The following PKIB variants were observed in gnomAD, a reference collection of about 807,000 sequenced individuals.
PKIB encodes PKI-beta.
A neutral mutation model predicts 4.5 loss-of-function variants in PKIB; 2 were observed. The ratio of observed to expected loss-of-function variants is 0.44; its 90% CI spans 0.18 to 1.39. The LOEUF (loss-of-function observed/expected upper bound fraction) is 1.39. Ranked by LOEUF, PKIB falls within the 40% of genes most tolerant of loss-of-function variation. The pLI is 0.27. For missense variants in PKIB, 94 were observed against 92.6 expected (o/e 1.02, Z -0.06); for synonymous variants, 38 against 36.0 (o/e 1.06, Z -0.20).
intron 3 of PKIB, among the ~76,000 whole-genome samples, chr6:122,599,193 C>T (rs146897798): frequency 1.2e-4 from 18 of 152,252 alleles, no homozygotes; most frequent in African/African-American, 4.1e-4. Flanking sequence ...GGTTTGTCTC[C>T]TCAGACAGAG....
At chr6:122,617,432 A>G (rs1775039301) in intron 1 of PKIB, among the ~76,000 whole-genome samples, 1 of 152,174 alleles carries the variant, frequency 6.6e-6, no homozygotes. Flanking sequence ...AGTAAAACCC[A>G]GCATAGTTTG....
intron 2 of PKIB, among the ~76,000 whole-genome samples, chr6:122,662,307 C>CTTTTTTTT (rs1777029246): frequency 6.9e-5 from 1 of 14,514 alleles, no homozygotes; most frequent in Non-Finnish European, 1.8e-4. Flanking sequence ...TTCCTTGTCT[C>CTTTTTTTT]CTTTTTTTTT....
chr6:122,537,934 A>G (rs1369524665), intron 2 of PKIB, among the ~76,000 whole-genome samples: 2 of 151,962 alleles, frequency 1.3e-5, no homozygotes. Flanking sequence ...GCCAGTGATG[A>G]TGAGCATTTT....
At chr6:122,636,593 G>A (rs1775926261) in intron 2 of PKIB, among the ~76,000 whole-genome samples, 1 of 152,026 alleles carries the variant, frequency 6.6e-6, no homozygotes, top group African/African-American at 2.4e-5. Context: ...GGTTTATATT[G>A]TATTCTTGGA....
chr6:122,523,870 C>A (rs1777021070), intron 2 of PKIB, among the ~76,000 whole-genome samples: 1 of 152,030 alleles, frequency 6.6e-6, no homozygotes, highest in South Asian at 2.1e-4. Context: ...TCGCCTTCTG[C>A]CACAATTGTG....
intron 2 of PKIB, among the ~76,000 whole-genome samples, chr6:122,673,605 AATG>A (rs1406869050): frequency 1.3e-5 from 2 of 152,210 alleles, no homozygotes; most frequent in Non-Finnish European, 2.9e-5. Context: ...ACAAGGTTAA[AATG>A]ATGTCTGCTT....
intron 2 of PKIB, among the ~76,000 whole-genome samples, chr6:122,524,375 C>G (rs1168693030): frequency 6.6e-6 from 1 of 151,036 alleles, no homozygotes; most frequent in Admixed American, 6.6e-5. Context: ...TTTTCTTCTC[C>G]TCCTCCTCCT....
upstream of PKIB, among the ~76,000 whole-genome samples, chr6:122,605,275 G>C (rs1345221025): frequency 1.3e-5 from 2 of 152,138 alleles, no homozygotes; most frequent in Non-Finnish European, 2.9e-5. Flanking sequence ...TGGAAGCTTT[G>C]GTGGAACTTA....
At chr6:122,562,004 G>GTTTTTTTTTTTTTTTTTT (rs758656278) in intron 2 of PKIB, among the ~76,000 whole-genome samples, 24 of 79,472 alleles carry the variant, frequency 3.0e-4, no homozygotes, top group South Asian at 5.3e-4. Flanking sequence ...GTTTTTTTTT[G>GTTTTTTTTTTTTTTTTTT]TTTTTTTTTT....
intron 2 of PKIB, among the ~76,000 whole-genome samples, chr6:122,528,787 G>A (rs1448041564): frequency 6.6e-6 from 1 of 152,122 alleles, no homozygotes; most frequent in African/African-American, 2.4e-5. Context: ...AGCTACTTGG[G>A]AGACCAAACT....
chr6:122,509,303 A>G (rs1251360925), intron 2 of PKIB, among the ~76,000 whole-genome samples: 2 of 152,226 alleles, frequency 1.3e-5, no homozygotes, highest in African/African-American at 4.8e-5. Flanking sequence ...ATTTTGTTAA[A>G]TTAACTTGTC....
At chr6:122,715,374 A>T (rs969698560) in intron 3 of PKIB, among the ~76,000 whole-genome samples, 1 of 152,048 alleles carries the variant, frequency 6.6e-6, no homozygotes, top group Admixed American at 6.6e-5. Context: ...ACAGGAAGAG[A>T]TACTTGCAGC....
At chr6:122,699,011 C>T (rs7750522) in intron 3 of PKIB, among the ~76,000 whole-genome samples, 150,408 of 152,194 alleles carry the variant, frequency 0.99, 74,344 homozygotes, top group South Asian at 1. Flanking sequence ...TTAATGAATA[C>T]GTCAAACAAA....
rs557814614 is a variant in PKIB at position 122,596,507 on chromosome 6, GGGTCAGAAAGCACCCA to G, written c.-161+10518_-161+10533del. Among the ~76,000 whole-genome samples the G allele has an allele frequency of 4.8e-3, 735 of 152,318 alleles. 5 individuals carry two copies. Among genetic ancestry groups the G allele is most frequent in the African/African-American group, 0.017 (694 of 41,552 alleles). On this transcript the variant is annotated intron_variant, in intron 3 of 6. Coordinates refer to the PKIB transcript ENST00000392491. The stretch of plus-strand genomic sequence containing the variant: ...TGCATGACCCACTTTATGGCTAGAT[GGGTCAGAAAGCACCCA>G]GGTCAGAAAGCACCCAGTTCATGAT...
chr6:122,473,966 C>G (rs1029945055), intron 1 of PKIB, among the ~76,000 whole-genome samples: 9 of 152,200 alleles, frequency 5.9e-5, no homozygotes, highest in Admixed American at 5.9e-4. Flanking sequence ...AAACCTGTCT[C>G]TACTAAAAAT....
In PKIB at chr6:122,567,787, A is replaced by T. The variant is rs533240119; in HGVS notation, c.-247-18134A>T. Among the ~76,000 whole-genome samples, 14 of 152,338 alleles carry T rather than the reference A, an allele frequency of 9.2e-5. No homozygotes were observed. The South Asian group carries it at 2.9e-3, about 32-fold the overall frequency. On this transcript the variant is annotated intron_variant, in intron 2 of 6. Transcript: ENST00000392491. ...TGATATAAAATATGTAACAAAACACACCAATTGAGCATGCTTGAAAATAAT... is the reference window on the plus strand; with the variant it reads ...TGATATAAAATATGTAACAAAACACTCCAATTGAGCATGCTTGAAAATAAT...
intron 3 of PKIB, among the ~76,000 whole-genome samples, chr6:122,679,098 A>T (rs1379711838): frequency 6.6e-6 from 1 of 152,198 alleles, no homozygotes; most frequent in Non-Finnish European, 1.5e-5. Context: ...AAAAAAGTGC[A>T]TCCCAAACAA....
chr6:122,503,366 T>G (rs1776302168), intron 2 of PKIB, among the ~76,000 whole-genome samples: 4 of 152,202 alleles, frequency 2.6e-5, no homozygotes, highest in Admixed American at 2.6e-4. Flanking sequence ...TTTATCCAAA[T>G]GCTATTATTG....
At chr6:122,572,205 A>G (rs1582706114) in intron 2 of PKIB, among the ~76,000 whole-genome samples, 1 of 152,200 alleles carries the variant, frequency 6.6e-6, no homozygotes, top group Non-Finnish European at 1.5e-5. Flanking sequence ...AAAGAAGGAC[A>G]TTATATAATA....
Sources: allele counts gnomAD v4.1 joint callset (sites outside exome capture counted in the v4.1 genomes callset), GRCh38; gene constraint gnomAD v4.1.1; transcripts MANE v1.5; gene names NCBI Gene and HGNC (gene_info 2026-07-23, HGNC 2026-07-21).